PALM2AKAP2: variants seen among roughly 807,000 people sequenced by gnomAD.
PALM2AKAP2 encodes the protein PALM2-AKAP2 fusion protein.
PALM2AKAP2 carries 37 observed loss-of-function variants against 71.5 expected under a neutral mutation model. That is an observed-to-expected ratio of 0.52 (90% CI 0.40 to 0.68). The LOEUF (loss-of-function observed/expected upper bound fraction) is 0.68, where lower values mean the gene tolerates loss of function less well. Among genes scored for constraint, PALM2AKAP2 ranks in the 30% least tolerant of loss-of-function variants. The pLI is 0.00. For missense variants in PALM2AKAP2, 1,224 were observed against 1,191.8 expected (o/e 1.03, Z -0.40); for synonymous variants, 468 against 478.8 (o/e 0.98, Z 0.29).
chr9:110,003,441 C>T (rs879183993), intron 6 of PALM2AKAP2, among the ~76,000 whole-genome samples: 6 of 152,008 alleles, frequency 3.9e-5, no homozygotes, highest in Non-Finnish European at 8.8e-5. Context: ...AGGAGGGCTT[C>T]ACTTCCAACT....
In PALM2AKAP2 at chr9:109,966,690, T is replaced by C. The variant is rs192009608; in HGVS notation, c.496+34662T>C. 1.3e-3 allele frequency among the ~76,000 whole-genome samples: 196 copies of C among 152,378 alleles called. 2 individuals carry two copies. The highest frequency in any genetic ancestry group is 4.5e-3 in the African/African-American group (187 of 41,592). ...GTCTGTTACGTTATTTTTTGGTGTTTGAATATTTTAAAGCATGACCTTAAA... is the reference window on the plus strand; with the variant it reads ...GTCTGTTACGTTATTTTTTGGTGTTCGAATATTTTAAAGCATGACCTTAAA... On this transcript the variant is annotated intron_variant, in intron 6 of 9. Coordinates refer to the PALM2AKAP2 transcript ENST00000302798.
At chr9:109,882,941 G>A (rs1176325081) in intron 3 of PALM2AKAP2, among the ~76,000 whole-genome samples, 3 of 152,104 alleles carry the variant, frequency 2.0e-5, no homozygotes, top group Admixed American at 6.5e-5. Flanking sequence ...GAACCACCGT[G>A]TCCGTCCTAT....
At chr9:110,137,268 A>C (rs1171225362) in exon 2 of PALM2AKAP2, 2 of 1,614,264 alleles carry the variant, frequency 1.2e-6, no homozygotes, top group South Asian at 2.2e-5. Flanking sequence ...GCCAAGGGCC[A>C]GAGTACACCC....
At chr9:109,867,600 C>T (rs750938023) in intron 2 of PALM2AKAP2, 29 bp downstream of exon 2, 30 of 1,602,418 alleles carry the variant, frequency 1.9e-5, no homozygotes, top group Non-Finnish European at 2.1e-5. Context: ...GAACCTATTC[C>T]ATTATTAGAC....
intron 1 of PALM2AKAP2, among the ~76,000 whole-genome samples, chr9:110,057,410 A>G (rs1253464608): frequency 7.4e-6 from 1 of 135,178 alleles, no homozygotes. Flanking sequence ...TGCAACAGAG[A>G]CTCGCTCTGC....
At chr9:109,738,944 G>A (rs191754401) in intron 1 of PALM2AKAP2, among the ~76,000 whole-genome samples, 6 of 152,244 alleles carry the variant, frequency 3.9e-5, no homozygotes, top group East Asian at 1.9e-4. Context: ...AATTGTTTCC[G>A]AACTCTCAGA....
At chr9:109,922,073 C>G (rs1830843271) in intron 3 of PALM2AKAP2, among the ~76,000 whole-genome samples, 1 of 151,972 alleles carries the variant, frequency 6.6e-6, no homozygotes. Flanking sequence ...CCACTCTGAA[C>G]TCCTTATTTT....
intron 1 of PALM2AKAP2, among the ~76,000 whole-genome samples, chr9:109,802,769 A>C (rs1827468889): frequency 6.6e-6 from 1 of 152,228 alleles, no homozygotes; most frequent in African/African-American, 2.4e-5. Context: ...GCTAGAAAAC[A>C]TGGTACCTGG....
chr9:109,689,428 G>A (rs1001744794), intron 1 of PALM2AKAP2, among the ~76,000 whole-genome samples: 4 of 152,004 alleles, frequency 2.6e-5, no homozygotes, highest in Admixed American at 2.6e-4. Context: ...TCAAACTCCT[G>A]ACCTCAGGTG....
exon 2 of PALM2AKAP2, chr9:110,136,782 G>T (rs756478584): frequency 6.2e-7 from 1 of 1,614,198 alleles, no homozygotes. Flanking sequence ...TTTGAGCTGC[G>T]TGCCTTCCAT....
chr9:110,054,107 T>G (rs1833778460), intron 1 of PALM2AKAP2, among the ~76,000 whole-genome samples: 1 of 152,202 alleles, frequency 6.6e-6, no homozygotes, highest in Non-Finnish European at 1.5e-5. Context: ...TCTATAAAAA[T>G]GGAGATACCA....
chr9:110,073,413 T>C (rs748958659), intron 1 of PALM2AKAP2, among the ~76,000 whole-genome samples: 12 of 152,182 alleles, frequency 7.9e-5, no homozygotes, highest in Non-Finnish European at 1.3e-4. Context: ...ACAGCTTTTA[T>C]AGGGTGTTTT....
intron 1 of PALM2AKAP2, among the ~76,000 whole-genome samples, chr9:110,052,307 C>T (rs7033155): frequency 6.6e-6 from 1 of 152,164 alleles, no homozygotes; most frequent in Admixed American, 6.5e-5. Context: ...TTGGCATGAG[C>T]CTCACCCAGC....
At chr9:110,116,965 G>A (rs931902858) in intron 1 of PALM2AKAP2, among the ~76,000 whole-genome samples, 1 of 152,202 alleles carries the variant, frequency 6.6e-6, no homozygotes, top group Admixed American at 6.5e-5. Flanking sequence ...ACAAGTAGAT[G>A]AGCCCTGGCC....
intron 6 of PALM2AKAP2, among the ~76,000 whole-genome samples, chr9:109,988,978 C>T (rs1297203272): frequency 6.6e-6 from 1 of 152,112 alleles, no homozygotes; most frequent in Non-Finnish European, 1.5e-5. Flanking sequence ...TGTCTGCCTC[C>T]ATGTAAGATG....
intron 1 of PALM2AKAP2, among the ~76,000 whole-genome samples, chr9:109,719,207 T>C (rs1828370854): frequency 6.6e-6 from 1 of 152,244 alleles, no homozygotes; most frequent in African/African-American, 2.4e-5. Flanking sequence ...ATGTTTAGTC[T>C]AAGTGTTTAG....
At chr9:109,940,989 G>T (rs2132036188) in intron 6 of PALM2AKAP2, among the ~76,000 whole-genome samples, 1 of 152,186 alleles carries the variant, frequency 6.6e-6, no homozygotes, top group Non-Finnish European at 1.5e-5. Flanking sequence ...AACTATTTTA[G>T]ACTTTGTGGA....
chr9:109,787,089 G>A (rs1826992595), intron 1 of PALM2AKAP2, among the ~76,000 whole-genome samples: 1 of 151,954 alleles, frequency 6.6e-6, no homozygotes, highest in Non-Finnish European at 1.5e-5. Context: ...CCCAAGGGCT[G>A]TCATTGTGGT....
chr9:110,150,980 C>G lies in PALM2AKAP2; in HGVS notation c.2570-5339C>G, dbSNP rs528506530. 5.3e-4 allele frequency among the ~76,000 whole-genome samples: 81 copies of G among 152,232 alleles called. No individual in the cohort carries two copies. In the South Asian group the frequency reaches 0.011, roughly 20 times the overall value. On this transcript the variant is annotated intron_variant, in intron 2 of 3. Transcript: ENST00000374525. The stretch of plus-strand genomic sequence containing the variant: ...CATTGCCTAAATGAGCCATAGCTAA[C>G]TTAACCATTCTTCAATAGGAAGATA...
Sources: allele counts gnomAD v4.1 joint callset (sites outside exome capture counted in the v4.1 genomes callset), GRCh38; gene constraint gnomAD v4.1.1; transcripts MANE v1.5; gene names NCBI Gene and HGNC (gene_info 2026-07-23, HGNC 2026-07-21).